EVI5: variants seen among roughly 807,000 people sequenced by gnomAD.
EVI5 encodes ecotropic viral integration site 5.
EVI5 carries 73 observed loss-of-function variants against 112.0 expected under a neutral mutation model. The ratio of observed to expected loss-of-function variants is 0.65; its 90% confidence interval spans 0.54 to 0.79. The LOEUF is 0.79. Ranked by LOEUF, EVI5 falls within the 30% of genes least tolerant of loss-of-function variation. EVI5 has a pLI of 0.00. For missense variants in EVI5, 900 were observed against 968.8 expected (o/e 0.93, Z 0.94); for synonymous variants, 305 against 319.9 (o/e 0.95, Z 0.50).
At chr1:92,769,805 T>A (rs1683127855) in intron 1 of EVI5, among the ~76,000 whole-genome samples, 1 of 152,110 alleles carries the variant, frequency 6.6e-6, no homozygotes. Context: ...GAGAATGGCA[T>A]GAACCCGAGA....
At chr1:92,726,328 G>C (rs1031313048) in intron 2 of EVI5, among the ~76,000 whole-genome samples, 30 of 152,104 alleles carry the variant, frequency 2.0e-4, no homozygotes, top group Admixed American at 5.2e-4. Context: ...GTGCTTGAGA[G>C]TAACAAACAA....
chr1:92,697,956 A>C lies in EVI5; in HGVS notation c.669T>G (p.Phe223Leu). The change falls in exon 6 of 20, where the codon TTT becomes TTG. Residue 223 changes from phenylalanine (F) to leucine (L), a missense_variant. By Grantham distance (22) the Phe-to-Leu change is conservative. Coordinates refer to ENST00000684568, the MANE Select transcript of EVI5 (RefSeq NM_001350197.2). ...GTCTATAATCTTGCATTAATTTAAC[A>C]AATACACAGAAAGCTTCTTCTTCTG... is the stretch of plus-strand genomic sequence containing the variant. ...QMPEEEAFCV[F>L]VKLMQDYRLR... 10 of 1,612,318 alleles carry C rather than the reference A, an allele frequency of 6.2e-6. No homozygotes were observed. Among genetic ancestry groups the C allele is most frequent in the Non-Finnish European group, 8.5e-6 (10 of 1,179,224 alleles).
chr1:92,593,594 A>C (rs1674387094), intron 18 of EVI5, among the ~76,000 whole-genome samples: 1 of 152,212 alleles, frequency 6.6e-6, no homozygotes, highest in African/African-American at 2.4e-5. Context: ...AGAAGGAAAT[A>C]AAGGGTATTC....
intron 19 of EVI5, among the ~76,000 whole-genome samples, chr1:92,520,392 A>C (rs1373207523): frequency 6.6e-6 from 1 of 152,196 alleles, no homozygotes; most frequent in East Asian, 1.9e-4. Flanking sequence ...ATATAATTCT[A>C]ATGATGTAAA....
At chr1:92,673,912 A>C (rs1413400604) in intron 10 of EVI5, among the ~76,000 whole-genome samples, 1 of 152,222 alleles carries the variant, frequency 6.6e-6, no homozygotes, top group Non-Finnish European at 1.5e-5. Flanking sequence ...AATTAAAGTA[A>C]AAACAACAGA....
chr1:92,594,588 C>T lies in EVI5; in HGVS notation c.2070+10719G>A, dbSNP rs541547232. Among the ~76,000 whole-genome samples, 29 of 151,452 alleles carry T rather than the reference C, an allele frequency of 1.9e-4. 1 individual carries two copies. Among genetic ancestry groups the T allele is most frequent in the Non-Finnish European group, 3.7e-4 (25 of 67,910 alleles). ...AATGGGATCTAATTAAACTAAAGAG[C>T]TTCTGCACAGCAAAAGAAACTACCA... On this transcript the variant is annotated intron_variant, in intron 18 of 19. Coordinates refer to ENST00000684568, the MANE Select transcript of EVI5 (RefSeq NM_001350197.2).
chr1:92,539,560 A>AAAAAAAAAACC (rs1553174065), intron 19 of EVI5, among the ~76,000 whole-genome samples: 2 of 137,732 alleles, frequency 1.5e-5, no homozygotes, highest in African/African-American at 5.5e-5. Flanking sequence ...AAAAAAAAAA[A>AAAAAAAAAACC]AAAAAATCTT....
chr1:92,671,623 T>C (rs1043402423), intron 10 of EVI5, among the ~76,000 whole-genome samples: 1 of 152,138 alleles, frequency 6.6e-6, no homozygotes, highest in African/African-American at 2.4e-5. Context: ...GTATCCCCAC[T>C]AAACCAAATC....
chr1:92,660,028 T>G (rs2102146788), intron 13 of EVI5, among the ~76,000 whole-genome samples: 1 of 152,044 alleles, frequency 6.6e-6, no homozygotes, highest in South Asian at 2.1e-4. Context: ...AAATAATGTA[T>G]ACACATGGAC....
intron 5 of EVI5, among the ~76,000 whole-genome samples, chr1:92,698,511 G>C (rs1670658021): frequency 6.6e-6 from 1 of 152,194 alleles, no homozygotes; most frequent in Non-Finnish European, 1.5e-5. Context: ...GAAAGCAAGG[G>C]AGCATTTGAG....
At chr1:92,626,921 C>T (rs1202076505) in intron 14 of EVI5, among the ~76,000 whole-genome samples, 2 of 152,150 alleles carry the variant, frequency 1.3e-5, no homozygotes, top group Non-Finnish European at 2.9e-5. Context: ...TCACTATTTA[C>T]ATCAACAGTC....
At chr1:92,748,954 T>A (rs1679763038) in intron 1 of EVI5, among the ~76,000 whole-genome samples, 2 of 150,656 alleles carry the variant, frequency 1.3e-5, no homozygotes, top group South Asian at 4.2e-4. Context: ...TAATCCCAGC[T>A]ACTTGGGAGG....
intron 13 of EVI5, among the ~76,000 whole-genome samples, chr1:92,638,841 T>C (rs1032437129): frequency 7.2e-5 from 11 of 152,102 alleles, no homozygotes; most frequent in African/African-American, 2.4e-4. Context: ...GAGTTTAATA[T>C]ATTGTTTTAA....
intron 14 of EVI5, among the ~76,000 whole-genome samples, chr1:92,627,991 T>C (rs1156236367): frequency 1.3e-5 from 2 of 152,160 alleles, no homozygotes; most frequent in African/African-American, 4.8e-5. Context: ...GGTTTCATTA[T>C]CTTGGCCAGG....
chr1:92,578,574 T>C (rs979235390), intron 18 of EVI5, among the ~76,000 whole-genome samples: 1 of 151,942 alleles, frequency 6.6e-6, no homozygotes, highest in Admixed American at 6.5e-5. Context: ...AAAAATTAGC[T>C]GGGCGTGGTG....
intron 14 of EVI5, among the ~76,000 whole-genome samples, chr1:92,627,234 C>T (rs897035313): frequency 1.3e-5 from 2 of 152,232 alleles, no homozygotes; most frequent in African/African-American, 4.8e-5. Flanking sequence ...CCTAGCTTAG[C>T]TCCCACATAT....
intron 18 of EVI5, among the ~76,000 whole-genome samples, chr1:92,573,316 T>C (rs1385293242): frequency 6.6e-6 from 1 of 152,086 alleles, no homozygotes; most frequent in East Asian, 1.9e-4. Context: ...TGACCTACAT[T>C]TGAAGTGTAC....
chr1:92,582,286 T>C (rs1404307901), intron 18 of EVI5, among the ~76,000 whole-genome samples: 1 of 152,214 alleles, frequency 6.6e-6, no homozygotes, highest in Non-Finnish European at 1.5e-5. Context: ...TGGTCCATCG[T>C]TGACTGAAAC....
intron 19 of EVI5, among the ~76,000 whole-genome samples, chr1:92,541,807 C>T (rs1165256901): frequency 1.3e-5 from 2 of 152,192 alleles, no homozygotes; most frequent in Admixed American, 6.5e-5. Flanking sequence ...GTTATCTTTA[C>T]ATTATACTGT....
Sources: gnomAD v4.1 joint callset for allele counts (sites outside exome capture counted in the v4.1 genomes callset) on GRCh38, gnomAD v4.1.1 for gene constraint, MANE v1.5 for transcripts, NCBI Gene and HGNC (gene_info 2026-07-23, HGNC 2026-07-21) for gene names.